Variants in OR2AJ1 observed in about 807,000 individuals in gnomAD.
OR2AJ1 encodes the protein olfactory receptor family 2 subfamily AJ member 1.
For missense variants in OR2AJ1, 280 were observed against 163.2 expected, an observed-to-expected ratio of 1.72 and a Z score of -3.90; for synonymous variants, 105 against 60.3, an observed-to-expected ratio of 1.74 and a Z score of -3.44.
chr1:247,934,753 T>C lies in OR2AJ1; in HGVS notation c.985T>C (p.Ter329GlnextTer7). 1.4e-6 allele frequency: 1 copy of C among 695,572 alleles called. No individual in the cohort carries two copies. The highest frequency in any genetic ancestry group is 2.6e-6 in the Non-Finnish European group (1 of 378,944). 43.1% of individuals were successfully genotyped at this position (695,572 alleles called of 1,614,324 possible). ...PECVFCLFLC[*>Q] ...ATGTGTGTTCTGTCTATTTCTATGT[T>C]AAATGCCTGAAGGATACTCATGAGA... Residue 329 changes from the stop codon to glutamine (Q), a stop_lost, in exon 2 of 2, where the codon TAA becomes CAA. Transcript: ENST00000318244.
chr1:247,933,828 T>C lies in OR2AJ1; in HGVS notation c.60T>C (p.Ser20=), dbSNP rs1411085792. The C allele has an allele frequency of 1.5e-6, 1 of 649,800 alleles. No individual in the cohort carries two copies. Among genetic ancestry groups the C allele is most frequent in the Admixed American group, 2.4e-5 (1 of 41,238 alleles). The allele number at this position is 649,800 out of a possible 1,614,324, so 40.3% of individuals were successfully genotyped here. ...SDFILLGLFS[S]SPTSVVFFLV... is the part of the protein sequence containing the mutation. Reference sequence around the variant, plus strand: ...TCATACTTTTGGGATTGTTCTCTTCTTCCCCAACAAGTGTGGTCTTCTTCT... The same window carrying C: ...TCATACTTTTGGGATTGTTCTCTTCCTCCCCAACAAGTGTGGTCTTCTTCT... The change falls in exon 2 of 2, where the codon TCT becomes TCC. Residue 20 remains serine (S), a synonymous_variant. Coordinates refer to ENST00000318244, the MANE Select transcript of OR2AJ1 (RefSeq NM_001355235.2).
At position 247,930,609 on chromosome 1, in the gene OR2AJ1, G is replaced by T. The variant is rs150453960; in HGVS notation, c.-22-3138G>T. Among the ~76,000 whole-genome samples, 60 of 152,276 alleles carry T rather than the reference G, an allele frequency of 3.9e-4. No homozygotes were observed. The East Asian group carries it at 0.011, about 27-fold the overall frequency. ...GAATAAACATATGAACTCTGAAGTA[G>T]TTCCATTGACAAAATGAAACAATTT... On this transcript the variant is annotated intron_variant, in intron 1 of 1. Transcript: ENST00000318244.
At chr1:247,930,816 C>T (rs967386474) in intron 1 of OR2AJ1, among the ~76,000 whole-genome samples, 5 of 152,062 alleles carry the variant, frequency 3.3e-5, no homozygotes, top group African/African-American at 1.2e-4. Flanking sequence ...TGTGATGTGT[C>T]TGGAAAAAAA....
intron 1 of OR2AJ1, 135 bp downstream of exon 1, chr1:247,925,303 C>A (rs1048107260): frequency 1.3e-5 from 2 of 152,216 alleles, no homozygotes; most frequent in South Asian, 4.1e-4. Flanking sequence ...AGCAGACGGT[C>A]CACATAAACA....
At chr1:247,930,170 G>T (rs938220172) in intron 1 of OR2AJ1, among the ~76,000 whole-genome samples, 3 of 152,068 alleles carry the variant, frequency 2.0e-5, no homozygotes, top group Non-Finnish European at 4.4e-5. Flanking sequence ...TCTTGTGCTT[G>T]TCTTGCAGTC....
In OR2AJ1 at chr1:247,934,662, G is replaced by C; in HGVS notation, c.894G>C (p.Leu298=). 1.4e-6 allele frequency: 1 copy of C among 717,204 alleles called. No homozygotes were observed. The allele number at this position is 717,204 out of a possible 1,614,324, so 44.4% of individuals were successfully genotyped here. ...ACAGCTTTAGGAATAAAGATGTTCT[G>C]GCGGTGATGAAAAATATGCTCAAAA... ...FIYSFRNKDV[L]AVMKNMLKSN... is the part of the protein sequence containing the mutation. Residue 298 remains leucine (L), a synonymous_variant, in exon 2 of 2, where the codon CTG becomes CTC. Transcript: ENST00000318244.
intron 1 of OR2AJ1, among the ~76,000 whole-genome samples, chr1:247,932,340 A>G (rs1660163137): frequency 1.3e-5 from 2 of 152,188 alleles, no homozygotes; most frequent in African/African-American, 4.8e-5. Context: ...TGTCTCAAAA[A>G]CAAATAAACA....
intron 1 of OR2AJ1, among the ~76,000 whole-genome samples, chr1:247,930,817 T>C (rs1660145285): frequency 6.6e-6 from 1 of 152,244 alleles, no homozygotes; most frequent in South Asian, 2.1e-4. Context: ...GTGATGTGTC[T>C]GGAAAAAAAT....
In OR2AJ1 at chr1:247,934,273, T is replaced by G. The variant is rs1459185056; in HGVS notation, c.505T>G (p.Cys169Gly). The G allele has an allele frequency of 2.7e-6, 2 of 727,672 alleles. No homozygotes were observed. The highest frequency in any genetic ancestry group is 5.1e-6 in the Non-Finnish European group (2 of 390,784). 45.1% of individuals were successfully genotyped at this position (727,672 alleles called of 1,614,324 possible). A position where few individuals can be genotyped will look rare whatever the true frequency, so the allele number is the denominator to read the frequency against. The change falls in exon 2 of 2, where the codon TGT becomes GGT. Residue 169 changes from cysteine (C) to glycine (G), a missense_variant. Transcript: ENST00000318244. ...HTAYALQFPF[C>G]GSRAIDHFFC... Reference sequence around the variant, plus strand: ...AGCTTATGCACTGCAGTTTCCCTTCTGTGGCTCTAGGGCAATTGATCACTT... The same window carrying G: ...AGCTTATGCACTGCAGTTTCCCTTCGGTGGCTCTAGGGCAATTGATCACTT...
intron 1 of OR2AJ1, among the ~76,000 whole-genome samples, chr1:247,932,856 T>C (rs1251313711): frequency 6.6e-6 from 1 of 152,154 alleles, no homozygotes; most frequent in Non-Finnish European, 1.5e-5. Context: ...TATAAATAAA[T>C]GATATGAACA....
At chr1:247,931,011 G>A (rs1304682723) in intron 1 of OR2AJ1, among the ~76,000 whole-genome samples, 1 of 152,126 alleles carries the variant, frequency 6.6e-6, no homozygotes, top group East Asian at 1.9e-4. Flanking sequence ...CTGCCTGACT[G>A]CTTCTTCCAA....
intron 1 of OR2AJ1, among the ~76,000 whole-genome samples, chr1:247,929,447 CT>C (rs1420198358): frequency 3.3e-5 from 5 of 152,046 alleles, no homozygotes; most frequent in African/African-American, 9.7e-5. Flanking sequence ...TCTCCCTCCC[CT>C]GGTATATAAC....
intron 1 of OR2AJ1, among the ~76,000 whole-genome samples, chr1:247,930,591 C>T (rs1219605245): frequency 1.3e-5 from 2 of 152,160 alleles, no homozygotes; most frequent in African/African-American, 4.8e-5. Flanking sequence ...CGGGAATAAA[C>T]ATATGAACTC....
intron 1 of OR2AJ1, among the ~76,000 whole-genome samples, chr1:247,930,945 C>G (rs746078850): frequency 1.1e-4 from 17 of 152,156 alleles, no homozygotes; most frequent in Non-Finnish European, 1.5e-4. Context: ...CAAAGTGGCT[C>G]TTTTATGCTC....
intron 1 of OR2AJ1, among the ~76,000 whole-genome samples, chr1:247,931,390 T>C (rs1362618894): frequency 6.6e-6 from 1 of 152,184 alleles, no homozygotes; most frequent in African/African-American, 2.4e-5. Context: ...AAAATTGAAA[T>C]ACTCCTGGGT....
rs189981701 is a variant in OR2AJ1, at chr1:247,932,656, A to T, written c.-22-1091A>T. Among the ~76,000 whole-genome samples the T allele has an allele frequency of 2.0e-5, 3 of 152,286 alleles. No homozygotes were observed. In the East Asian group the frequency reaches 5.8e-4, roughly 29 times the overall value. ...GGAAAATAATTTTTTAATGTTTGTT[A>T]TTTGTTTTGATGATCATAAAGCATC... On this transcript the variant is annotated intron_variant, in intron 1 of 1. Coordinates refer to ENST00000318244, the MANE Select transcript of OR2AJ1 (RefSeq NM_001355235.2).
chr1:247,932,438 C>G (rs1272873710), intron 1 of OR2AJ1, among the ~76,000 whole-genome samples: 2 of 152,142 alleles, frequency 1.3e-5, no homozygotes, highest in Admixed American at 1.3e-4. Context: ...TCTAACTCTT[C>G]TAGGTCATAG....
At chr1:247,926,302 T>G (rs1043633523) in intron 1 of OR2AJ1, among the ~76,000 whole-genome samples, 3 of 152,246 alleles carry the variant, frequency 2.0e-5, no homozygotes, top group African/African-American at 7.2e-5. Context: ...AAGATAATAG[T>G]TGACTAAATA....
Position 247,929,599 on chromosome 1 carries a change from G to GGTCTGTGTGTGTGTGTGT in OR2AJ1, c.-22-4146_-22-4145insCTGTGTGTGTGTGTGTGT, listed in dbSNP as rs138586638. Among the ~76,000 whole-genome samples the GGTCTGTGTGTGTGTGTGT allele has an allele frequency of 2.3e-3, 340 of 147,442 alleles. 3 individuals are homozygous for GGTCTGTGTGTGTGTGTGT. Among genetic ancestry groups the GGTCTGTGTGTGTGTGTGT allele is most frequent in the South Asian group, 6.5e-3 (30 of 4,594 alleles). On this transcript the variant is annotated intron_variant, in intron 1 of 1. Coordinates refer to ENST00000318244, the MANE Select transcript of OR2AJ1 (RefSeq NM_001355235.2). ...CAGGCTCTATTCCCCCCCTTCACTC[G>GGTCTGTGTGTGTGTGTGT]GTGTGTGTGTGTGTGTGTGTGTGTG...
Sources: allele counts gnomAD v4.1 joint callset (sites outside exome capture counted in the v4.1 genomes callset), GRCh38; gene constraint gnomAD v4.1.1; transcripts MANE v1.5; gene names NCBI Gene and HGNC (gene_info 2026-07-23, HGNC 2026-07-21).